MYO3B: variants seen among roughly 807,000 people sequenced by gnomAD.
MYO3B encodes the protein myosin-IIIb.
A neutral mutation model predicts 174.6 loss-of-function variants in MYO3B; 156 were observed. The ratio of observed to expected loss-of-function variants is 0.89; its 90% confidence interval spans 0.78 to 1.02. MYO3B has a LOEUF of 1.02. Ranked by LOEUF, MYO3B falls within the 50% of genes least tolerant of loss-of-function variation. The probability of loss-of-function intolerance (pLI) is 0.00; values close to 1 mark genes in which losing one functional copy is unlikely to be tolerated. For missense variants in MYO3B, 1,632 were observed against 1,639.4 expected, an observed-to-expected ratio of 1.00 and a Z score of 0.08; for synonymous variants, 563 against 569.1, an observed-to-expected ratio of 0.99 and a Z score of 0.15.
chr2:170,433,790 T>C (rs1290804594), intron 22 of MYO3B, among the ~76,000 whole-genome samples: 1 of 152,256 alleles, frequency 6.6e-6, no homozygotes, highest in Non-Finnish European at 1.5e-5. Context: ...AAGTACGCTC[T>C]ATGCTGTTCA....
intron 32 of MYO3B, among the ~76,000 whole-genome samples, chr2:170,649,373 T>A (rs1698811449): frequency 1.6e-5 from 1 of 63,904 alleles, no homozygotes; most frequent in African/African-American, 6.4e-5. Context: ...TATATAAAAA[T>A]ATAAATATAT....
chr2:170,354,948 G>C (rs1284863795), intron 8 of MYO3B, among the ~76,000 whole-genome samples: 1 of 151,966 alleles, frequency 6.6e-6, no homozygotes, highest in Non-Finnish European at 1.5e-5. Flanking sequence ...GACATCCTGG[G>C]GGTGGGGTGG....
intron 7 of MYO3B, among the ~76,000 whole-genome samples, chr2:170,262,816 TTA>T (rs1227770894): frequency 6.6e-6 from 1 of 152,204 alleles, no homozygotes; most frequent in African/African-American, 2.4e-5. Flanking sequence ...GTGTATTTGG[TTA>T]TCTCTCTCCC....
At chr2:170,479,486 C>A in intron 25 of MYO3B, among the ~76,000 whole-genome samples, 1 of 142,516 alleles carries the variant, frequency 7.0e-6, no homozygotes, top group Admixed American at 7.1e-5. Flanking sequence ...TTTTAAAAAC[C>A]TATATATAAA....
chr2:170,395,264 T>A (rs1469547448), intron 16 of MYO3B, among the ~76,000 whole-genome samples: 4 of 152,212 alleles, frequency 2.6e-5, no homozygotes, highest in Non-Finnish European at 5.9e-5. Flanking sequence ...TTTTCAACTC[T>A]TATTTCTGGA....
intron 8 of MYO3B, among the ~76,000 whole-genome samples, chr2:170,366,372 C>T (rs1307658893): frequency 6.6e-6 from 1 of 152,188 alleles, no homozygotes; most frequent in East Asian, 1.9e-4. Flanking sequence ...GGGATCATAG[C>T]TCACTGCAAT....
chr2:170,203,869 G>A (rs1042662988), intron 3 of MYO3B, among the ~76,000 whole-genome samples: 3 of 152,124 alleles, frequency 2.0e-5, no homozygotes, highest in Non-Finnish European at 4.4e-5. Flanking sequence ...CTGGAGAAGG[G>A]AAGAACTTTG....
chr2:170,404,780 C>A (rs2094500124), intron 20 of MYO3B, among the ~76,000 whole-genome samples: 2 of 152,176 alleles, frequency 1.3e-5, no homozygotes, highest in Non-Finnish European at 2.9e-5. Flanking sequence ...TGCAGAAGCC[C>A]TTTCCAGTCT....
At position 170,594,975 on chromosome 2, in the gene MYO3B, G is replaced by C. The variant is rs375144988; in HGVS notation, c.3733+50987G>C. Reference sequence around the variant, plus strand: ...CCAGCTGAATTTGTGGTGTGAAGAGGATCTAAGGACAGTGTCGTGCCCCAG... The same window carrying C: ...CCAGCTGAATTTGTGGTGTGAAGAGCATCTAAGGACAGTGTCGTGCCCCAG... On this transcript the variant is annotated intron_variant, in intron 32 of 34. Coordinates refer to ENST00000408978, the MANE Select transcript of MYO3B (RefSeq NM_138995.5). Among the ~76,000 whole-genome samples, 31 of 152,240 alleles carry C rather than the reference G, an allele frequency of 2.0e-4. 1 individual carries two copies. Among genetic ancestry groups the C allele is most frequent in the African/African-American group, 6.5e-4 (27 of 41,540 alleles).
At chr2:170,434,934 C>T (rs113924010) in intron 22 of MYO3B, among the ~76,000 whole-genome samples, 222 of 152,338 alleles carry the variant, frequency 1.5e-3, no homozygotes, top group African/African-American at 5.2e-3. Context: ...TCTGGGATTA[C>T]AGGTGAGAGC....
chr2:170,387,172 T>C lies in MYO3B; in HGVS notation c.1441T>C (p.Ser481Pro). The C allele has an allele frequency of 6.2e-7, 1 of 1,614,150 alleles. No homozygotes were observed. The highest frequency in any genetic ancestry group is 8.5e-7 in the Non-Finnish European group (1 of 1,180,004). The stretch of plus-strand genomic sequence containing the variant: ...CTCCCTGGTGGAAGCCTTTGGGAAC[T>C]CATGCACTGCCATCAATGACAACTC... ...VNSLVEAFGN[S>P]CTAINDNSSR... The change falls in exon 14 of 35, where the codon TCA becomes CCA. Residue 481 changes from serine to proline, a missense_variant. Transcript: ENST00000408978.
chr2:170,610,308 T>G (rs903313576), intron 32 of MYO3B, among the ~76,000 whole-genome samples: 10 of 151,366 alleles, frequency 6.6e-5, no homozygotes, highest in African/African-American at 2.4e-4. Flanking sequence ...GCCGCTGTAC[T>G]CCAGCCTGGG....
In MYO3B at chr2:170,387,333, G is replaced by A. The variant is rs754728875; in HGVS notation, c.1577+25G>A. The A allele has an allele frequency of 4.4e-6, 7 of 1,605,374 alleles. No homozygotes were observed. In the East Asian group the frequency reaches 1.6e-4, roughly 36 times the overall value. ...CGTAGGTGCACTACTTTATCACTGTGTTTTTGCCCTGCAGTAAAAACTGGG... is the reference window on the plus strand; with the variant it reads ...CGTAGGTGCACTACTTTATCACTGTATTTTTGCCCTGCAGTAAAAACTGGG... On this transcript the variant is annotated intron_variant, in intron 14 of 34. Transcript: ENST00000408978.
At chr2:170,583,618 A>G (rs6704585) in intron 32 of MYO3B, among the ~76,000 whole-genome samples, 4,039 of 152,294 alleles carry the variant, frequency 0.027, 178 homozygotes, top group African/African-American at 0.091. Context: ...AACAACAGCA[A>G]ATATTTCTTG....
intron 8 of MYO3B, among the ~76,000 whole-genome samples, chr2:170,347,516 C>T (rs2094025886): frequency 6.6e-6 from 1 of 152,116 alleles, no homozygotes; most frequent in Non-Finnish European, 1.5e-5. Flanking sequence ...GCATGAGAAT[C>T]GCTTGAACCC....
At chr2:170,648,485 G>T (rs1481753786) in intron 32 of MYO3B, among the ~76,000 whole-genome samples, 1 of 151,380 alleles carries the variant, frequency 6.6e-6, no homozygotes, top group Non-Finnish European at 1.5e-5. Flanking sequence ...CAAAAACTTA[G>T]CTGGGTGTAG....
intron 30 of MYO3B, among the ~76,000 whole-genome samples, chr2:170,522,405 C>T (rs1029958428): frequency 2.6e-5 from 4 of 152,190 alleles, no homozygotes; most frequent in African/African-American, 9.7e-5. Flanking sequence ...TTGACCCCTA[C>T]CTCTCACTTA....
chr2:170,438,123 C>G (rs751473184), intron 22 of MYO3B, among the ~76,000 whole-genome samples: 25 of 152,204 alleles, frequency 1.6e-4, no homozygotes, highest in Non-Finnish European at 2.8e-4. Context: ...CCATTCTACT[C>G]TCTGCTTTTG....
At position 170,464,638 on chromosome 2, in the gene MYO3B, AG is replaced by A. The variant is rs755714895; in HGVS notation, c.2808+1197del. On this transcript the variant is annotated intron_variant, in intron 24 of 34. Coordinates refer to ENST00000408978, the MANE Select transcript of MYO3B (RefSeq NM_138995.5). Reference sequence around the variant, plus strand: ...TAGAATTGGGCTCGGTATGAATTGCAGGGGCCCCAGACCTTCGAATCCAGTA... The same window carrying A: ...TAGAATTGGGCTCGGTATGAATTGCAGGGCCCCAGACCTTCGAATCCAGTA... Among the ~76,000 whole-genome samples the A allele has an allele frequency of 3.8e-4, 58 of 152,282 alleles. No individual in the cohort carries two copies. The Middle Eastern group carries it at 0.014, about 36-fold the overall frequency.
Sources: gnomAD v4.1 joint callset for allele counts (sites outside exome capture counted in the v4.1 genomes callset) on GRCh38, gnomAD v4.1.1 for gene constraint, MANE v1.5 for transcripts, NCBI Gene and HGNC (gene_info 2026-07-23, HGNC 2026-07-21) for gene names.